The following SLC44A5 variants were observed in gnomAD, a reference collection of about 807,000 sequenced individuals.
The protein encoded by SLC44A5 is choline transporter-like protein 5.
In SLC44A5, 57 loss-of-function variants were observed where a neutral mutation model predicts 101.8. The ratio of observed to expected loss-of-function variants is 0.56; its 90% CI spans 0.45 to 0.70. The LOEUF is 0.70. SLC44A5 is among the 30% of genes least tolerant of loss of function. The pLI, the probability that SLC44A5 is intolerant of heterozygous loss-of-function variation, is 0.00. For synonymous variants in SLC44A5, 281 were observed against 290.9 expected (o/e 0.97, Z 0.35); for missense variants, 737 against 853.1 (o/e 0.86, Z 1.70).
intron 2 of SLC44A5, among the ~76,000 whole-genome samples, chr1:75,425,930 C>T (rs1265000525): frequency 1.3e-5 from 2 of 152,160 alleles, no homozygotes; most frequent in East Asian, 1.9e-4. Context: ...AGAAAGGTAA[C>T]ATTTTAAAAC....
intron 23 of SLC44A5, among the ~76,000 whole-genome samples, chr1:75,206,911 C>T (rs796870608): frequency 2.0e-5 from 3 of 152,112 alleles, no homozygotes; most frequent in South Asian, 4.1e-4. Context: ...CCAGGAAACA[C>T]TGAAACTTCC....
At chr1:75,470,995 T>G (rs1667075495) in intron 2 of SLC44A5, among the ~76,000 whole-genome samples, 1 of 152,150 alleles carries the variant, frequency 6.6e-6, no homozygotes, top group Non-Finnish European at 1.5e-5. Context: ...GCAAGTATTT[T>G]GGGGGTAAAT....
chr1:75,583,829 G>T (rs892113753), intron 1 of SLC44A5, among the ~76,000 whole-genome samples: 1 of 152,186 alleles, frequency 6.6e-6, no homozygotes, highest in Admixed American at 6.5e-5. Context: ...ATGTGATTTG[G>T]TGGTGAGGGA....
At chr1:75,279,988 G>A (rs955977730) in intron 5 of SLC44A5, among the ~76,000 whole-genome samples, 13 of 149,906 alleles carry the variant, frequency 8.7e-5, no homozygotes, top group African/African-American at 2.7e-4. Flanking sequence ...ATCTATAAGC[G>A]AGAATATACG....
intron 2 of SLC44A5, among the ~76,000 whole-genome samples, chr1:75,492,953 C>G (rs1269204631): frequency 6.6e-6 from 1 of 152,174 alleles, no homozygotes. Context: ...AATTTTCTAC[C>G]TGAAGGTAAG....
intron 6 of SLC44A5, among the ~76,000 whole-genome samples, chr1:75,268,222 T>C (rs552439035): frequency 2.0e-5 from 3 of 152,258 alleles, no homozygotes; most frequent in Admixed American, 2.0e-4. Flanking sequence ...TTTGCACTTA[T>C]TGCCTCTGGC....
At chr1:75,275,706 T>C (rs899716760) in intron 5 of SLC44A5, among the ~76,000 whole-genome samples, 23 of 152,152 alleles carry the variant, frequency 1.5e-4, no homozygotes, top group African/African-American at 5.6e-4. Flanking sequence ...TTACCCTTAT[T>C]TTTTAAGAAT....
intron 23 of SLC44A5, 69 bp from the exon 24 acceptor site, chr1:75,203,902 T>C (rs1646703431): frequency 6.8e-7 from 1 of 1,467,556 alleles, no homozygotes; most frequent in African/African-American, 1.4e-5. Context: ...CGCCATCTGC[T>C]GTATACTCGC....
intron 3 of SLC44A5, among the ~76,000 whole-genome samples, chr1:75,364,881 C>T (rs1325577417): frequency 6.6e-6 from 1 of 152,002 alleles, no homozygotes; most frequent in Non-Finnish European, 1.5e-5. Context: ...AAGTTTTCTA[C>T]TAAATATTTT....
At chr1:75,561,421 A>T (rs915006915) in intron 1 of SLC44A5, among the ~76,000 whole-genome samples, 1 of 152,046 alleles carries the variant, frequency 6.6e-6, no homozygotes, top group Non-Finnish European at 1.5e-5. Flanking sequence ...TTTTACTTTT[A>T]TTATTGTCTG....
At chr1:75,390,376 T>C (rs1401137132) in intron 3 of SLC44A5, among the ~76,000 whole-genome samples, 1 of 132,070 alleles carries the variant, frequency 7.6e-6, no homozygotes, top group African/African-American at 3.0e-5. Context: ...TCCAGGCCAA[T>C]ACCCTTGATG....
At chr1:75,233,140 C>G (rs7544408) in intron 12 of SLC44A5, among the ~76,000 whole-genome samples, 78,171 of 151,914 alleles carry the variant, frequency 0.51, 22,017 homozygotes, top group East Asian at 0.93. Context: ...ATGTAGAGCT[C>G]ACATTATACC....
rs186818009 is a variant in SLC44A5, at chr1:75,317,827, C to A, written c.102-17142G>T. ...TTTCTTCTTATAAGGTCACTAATCC[C>A]ATCAGTAGGACCCACCCTTATGGCC... On this transcript the variant is annotated intron_variant, in intron 4 of 23. Coordinates refer to ENST00000370859, the MANE Select transcript of SLC44A5 (RefSeq NM_001130058.2). 1.6e-3 allele frequency among the ~76,000 whole-genome samples: 241 copies of A among 152,210 alleles called. 1 individual carries two copies. Among genetic ancestry groups the A allele is most frequent in the Non-Finnish European group, 2.3e-3 (157 of 68,018 alleles).
intron 2 of SLC44A5, among the ~76,000 whole-genome samples, chr1:75,481,413 T>C (rs1570412197): frequency 2.0e-5 from 3 of 152,186 alleles, no homozygotes; most frequent in African/African-American, 7.2e-5. Flanking sequence ...TGGGATCTAG[T>C]TAAACTCAAG....
the SLC44A5 span, among the ~76,000 whole-genome samples, chr1:75,627,807 T>G: frequency 6.6e-6 from 1 of 151,206 alleles, no homozygotes; most frequent in South Asian, 2.1e-4. Context: ...AGATTCTAAG[T>G]TTTCCCATTT....
intron 7 of SLC44A5, among the ~76,000 whole-genome samples, chr1:75,250,833 A>C (rs1212734294): frequency 6.6e-6 from 1 of 152,146 alleles, no homozygotes; most frequent in African/African-American, 2.4e-5. Flanking sequence ...ATGGTCAAAA[A>C]ATAAATGTTA....
intron 2 of SLC44A5, among the ~76,000 whole-genome samples, chr1:75,508,273 AG>A (rs1669380647): frequency 6.6e-6 from 1 of 152,328 alleles, no homozygotes; most frequent in South Asian, 2.1e-4. Context: ...AATAAAATTA[AG>A]GCAGAAACAA....
chr1:75,405,151 C>G (rs533267583), intron 2 of SLC44A5, among the ~76,000 whole-genome samples: 1 of 152,262 alleles, frequency 6.6e-6, no homozygotes, highest in African/African-American at 2.4e-5. Flanking sequence ...AGCTCACTAT[C>G]CTAAATATAT....
At chr1:75,563,045 C>A (rs1018485545) in intron 1 of SLC44A5, among the ~76,000 whole-genome samples, 1 of 152,146 alleles carries the variant, frequency 6.6e-6, no homozygotes, top group Non-Finnish European at 1.5e-5. Context: ...GCAATCATTA[C>A]ATTCTGTGGA....
Sources: gnomAD v4.1 joint callset for allele counts (sites outside exome capture counted in the v4.1 genomes callset) on GRCh38, gnomAD v4.1.1 for gene constraint, MANE v1.5 for transcripts, NCBI Gene and HGNC (gene_info 2026-07-23, HGNC 2026-07-21) for gene names.